The following TMEM236 variants were observed in gnomAD, a reference collection of about 807,000 sequenced individuals.
The protein encoded by TMEM236 is family with sequence similarity 23, member A.
A neutral mutation model predicts 14.7 loss-of-function variants in TMEM236; 11 were observed. The observed-to-expected ratio is 0.75, with a 90% CI of 0.47 to 1.24. The LOEUF (loss-of-function observed/expected upper bound fraction) is 1.24. Ranked by LOEUF, TMEM236 falls within the 50% of genes most tolerant of loss-of-function variation. TMEM236 has a pLI of 0.00. For synonymous variants in TMEM236, 182 were observed against 168.6 expected (o/e 1.08, Z -0.62); for missense variants, 464 against 427.3 (o/e 1.09, Z -0.76).
chr10:17,769,612 A>G (rs1442867854), intron 1 of TMEM236, among the ~76,000 whole-genome samples: 1 of 152,188 alleles, frequency 6.6e-6, no homozygotes, highest in Non-Finnish European at 1.5e-5. Context: ...TAGAGAACTT[A>G]GTGTTGTAGG....
At chr10:17,770,070 A>G (rs1009224769) in intron 1 of TMEM236, among the ~76,000 whole-genome samples, 2 of 152,136 alleles carry the variant, frequency 1.3e-5, no homozygotes, top group Non-Finnish European at 2.9e-5. Flanking sequence ...CCCACTTATA[A>G]GTGAGAACAT....
intron 3 of TMEM236, among the ~76,000 whole-genome samples, chr10:17,780,325 C>G (rs1300154000): frequency 6.6e-6 from 1 of 152,076 alleles, no homozygotes; most frequent in Non-Finnish European, 1.5e-5. Context: ...TCCTTAACCC[C>G]CATCAAAACC....
chr10:17,774,025 ATATTTTTG>A (rs1292896927), intron 2 of TMEM236, among the ~76,000 whole-genome samples: 4 of 40,778 alleles, frequency 9.8e-5, no homozygotes, highest in African/African-American at 3.2e-4. Context: ...TCATATATAT[ATATTTTTG>A]TTTGTTTGTT....
Position 17,752,315 on chromosome 10 carries a change from T to C in TMEM236, c.20T>C (p.Ile7Thr). The change falls in exon 1 of 4, where the codon ATT becomes ACT. Residue 7 changes from isoleucine to threonine, a missense_variant. Ile to Thr is a moderately conservative substitution (Grantham distance 89). Coordinates refer to ENST00000377495, the MANE Select transcript of TMEM236 (RefSeq NM_001098844.3). MASGRL[I>T]KFVVFELLEF... ...CTCAGGATGGCTTCTGGAAGGCTCA[T>C]TAAGTTCGTGGTTTTTGAGCTCCTA... 6 of 1,613,900 alleles carry C rather than the reference T, an allele frequency of 3.7e-6. No individual in the cohort carries two copies. The highest frequency in any genetic ancestry group is 5.1e-6 in the Non-Finnish European group (6 of 1,179,862).
chr10:17,789,303 T>C (rs1837885004), intron 3 of TMEM236, among the ~76,000 whole-genome samples: 1 of 152,244 alleles, frequency 6.6e-6, no homozygotes, highest in African/African-American at 2.4e-5. Context: ...TAATGAGTTA[T>C]AGTGTAACTA....
intron 1 of TMEM236, among the ~76,000 whole-genome samples, chr10:17,767,220 TG>T (rs1384161344): frequency 3.3e-5 from 5 of 152,160 alleles, no homozygotes; most frequent in African/African-American, 9.7e-5. Context: ...CCCAGCACTT[TG>T]GGAGGCCGAG....
chr10:17,789,204 A>G (rs1184599405), intron 3 of TMEM236, among the ~76,000 whole-genome samples: 7 of 152,202 alleles, frequency 4.6e-5, no homozygotes, highest in African/African-American at 1.7e-4. Context: ...TGTGATGTGA[A>G]CAGGCAAATA....
rs1036475545 is a variant in TMEM236 at position 17,796,427 on chromosome 10, G to A, written c.979G>A (p.Val327Met). 112 of 1,613,506 alleles carry A rather than the reference G, an allele frequency of 6.9e-5. No individual in the cohort carries two copies. Among genetic ancestry groups the A allele is most frequent in the Middle Eastern group, 1.6e-4 (1 of 6,078 alleles). ...ACTGGGCCTGTGTAAAAATATCCTC[G>A]TGACTCTCTCTTACATTTACTTCAA... is the stretch of plus-strand genomic sequence containing the variant. The part of the protein sequence containing the change: ...PVLGLCKNIL[V>M]TLSYIYFNYL... Residue 327 changes from valine (V) to methionine (M), a missense_variant, in exon 4 of 4, where the codon GTG becomes ATG. By Grantham distance (21) the Val-to-Met change is conservative (BLOSUM62 1). Coordinates refer to ENST00000377495, the MANE Select transcript of TMEM236 (RefSeq NM_001098844.3).
At chr10:17,780,248 C>A (rs1837725136) in intron 3 of TMEM236, among the ~76,000 whole-genome samples, 1 of 152,062 alleles carries the variant, frequency 6.6e-6, no homozygotes, top group South Asian at 2.1e-4. Context: ...TCAAATCAGG[C>A]TTAGCTATAT....
At chr10:17,760,920 T>A (rs1837352377) in intron 1 of TMEM236, among the ~76,000 whole-genome samples, 1 of 152,050 alleles carries the variant, frequency 6.6e-6, no homozygotes, top group Non-Finnish European at 1.5e-5. Flanking sequence ...TTCAATTACC[T>A]CCCACCAGGT....
At chr10:17,795,551 C>G (rs1280717773) in intron 3 of TMEM236, among the ~76,000 whole-genome samples, 1 of 152,186 alleles carries the variant, frequency 6.6e-6, no homozygotes, top group Non-Finnish European at 1.5e-5. Flanking sequence ...AGAGCCTTCT[C>G]CACCTCTATG....
intron 3 of TMEM236, among the ~76,000 whole-genome samples, chr10:17,789,328 C>G (rs1837885648): frequency 6.6e-6 from 1 of 152,176 alleles, no homozygotes; most frequent in Non-Finnish European, 1.5e-5. Flanking sequence ...CAAAGTTAAA[C>G]AAATTATAGT....
At chr10:17,769,805 G>T (rs1289095948) in intron 1 of TMEM236, among the ~76,000 whole-genome samples, 1 of 152,140 alleles carries the variant, frequency 6.6e-6, no homozygotes, top group Non-Finnish European at 1.5e-5. Flanking sequence ...GCGCCAAAGA[G>T]AAATTGTTCT....
intron 1 of TMEM236, among the ~76,000 whole-genome samples, chr10:17,768,096 T>TTC (rs1837502861): frequency 7.2e-6 from 1 of 139,726 alleles, no homozygotes; most frequent in African/African-American, 2.8e-5. Flanking sequence ...GTTTTTTTTT[T>TTC]TTTTTTTTTT....
intron 3 of TMEM236, among the ~76,000 whole-genome samples, chr10:17,785,358 C>G (rs1260120473): frequency 6.6e-6 from 1 of 152,104 alleles, no homozygotes; most frequent in East Asian, 1.9e-4. Context: ...GATTATGATG[C>G]CCACTCTGAG....
At chr10:17,783,347 G>T (rs1382336447) in intron 3 of TMEM236, among the ~76,000 whole-genome samples, 1 of 152,164 alleles carries the variant, frequency 6.6e-6, no homozygotes, top group Non-Finnish European at 1.5e-5. Flanking sequence ...AGGGAGAGCC[G>T]CATGGTCAGA....
At chr10:17,787,937 C>T (rs1831515504) in intron 3 of TMEM236, among the ~76,000 whole-genome samples, 2 of 152,156 alleles carry the variant, frequency 1.3e-5, no homozygotes, top group South Asian at 2.1e-4. Context: ...GGAGGAAATA[C>T]GGGTAGAGGC....
At chr10:17,761,299 C>G (rs1470802678) in intron 1 of TMEM236, among the ~76,000 whole-genome samples, 2 of 152,182 alleles carry the variant, frequency 1.3e-5, no homozygotes, top group African/African-American at 4.8e-5. Flanking sequence ...AACGTTTGGG[C>G]TCTGGCAACC....
intron 1 of TMEM236, among the ~76,000 whole-genome samples, chr10:17,763,163 C>G (rs1056417019): frequency 1.3e-5 from 2 of 152,052 alleles, no homozygotes; most frequent in African/African-American, 4.8e-5. Flanking sequence ...CTTTAATATC[C>G]CAGAGAAGAG....
Sources: gnomAD v4.1 joint callset for allele counts (sites outside exome capture counted in the v4.1 genomes callset) on GRCh38, gnomAD v4.1.1 for gene constraint, MANE v1.5 for transcripts, NCBI Gene and HGNC (gene_info 2026-07-23, HGNC 2026-07-21) for gene names.